The following ATP6V0D1 variants were observed in gnomAD, a reference collection of about 807,000 sequenced individuals.
ATP6V0D1 encodes V-type proton ATPase subunit d 1.
Under a neutral mutation model 39.0 loss-of-function variants are expected in ATP6V0D1, and 13 were observed. The observed-to-expected ratio is 0.33, with a 90% confidence interval of 0.22 to 0.53. The LOEUF is 0.53. Among genes scored for constraint, ATP6V0D1 ranks in the 20% least tolerant of loss-of-function variants. The pLI is 0.94. For missense variants in ATP6V0D1, 272 were observed against 470.9 expected (o/e 0.58, Z 3.91); for synonymous variants, 191 against 191.2 (o/e 1.00, Z 0.01).
intron 1 of ATP6V0D1, among the ~76,000 whole-genome samples, chr16:67,475,466 A>T (rs1478449674): frequency 6.6e-6 from 1 of 152,226 alleles, no homozygotes; most frequent in Non-Finnish European, 1.5e-5. Context: ...CCAGCACATC[A>T]AACATGGGCC....
intron 1 of ATP6V0D1, among the ~76,000 whole-genome samples, chr16:67,469,916 A>G (rs1284765998): frequency 6.6e-6 from 1 of 152,212 alleles, no homozygotes; most frequent in Non-Finnish European, 1.5e-5. Context: ...CTATGCTTCC[A>G]AAAACATGCA....
At chr16:67,468,394 C>A (rs556189459) in intron 1 of ATP6V0D1, among the ~76,000 whole-genome samples, 18 of 152,136 alleles carry the variant, frequency 1.2e-4, no homozygotes, top group Non-Finnish European at 1.8e-4. Flanking sequence ...TCAAGACCAG[C>A]CTGGGAAACA....
chr16:67,478,109 T>G (rs1035365609), intron 1 of ATP6V0D1, among the ~76,000 whole-genome samples: 1 of 152,206 alleles, frequency 6.6e-6, no homozygotes, highest in Non-Finnish European at 1.5e-5. Context: ...TGTTGTAGCT[T>G]GTTGACATTT....
At chr16:67,451,662 T>C (rs1485028020) in intron 2 of ATP6V0D1, among the ~76,000 whole-genome samples, 1 of 152,224 alleles carries the variant, frequency 6.6e-6, no homozygotes, top group Non-Finnish European at 1.5e-5. Flanking sequence ...GCTGAGCTCC[T>C]TCTGAGTGAG....
chr16:67,444,456 T>G lies in ATP6V0D1; in HGVS notation c.481+72A>C. The stretch of plus-strand genomic sequence containing the variant: ...TGGCTCAGGGTCGCCCCCCAGCGGG[T>G]CCACAAACCCCACCCTGATGCGCTG... On this transcript the variant is annotated intron_variant, in intron 3 of 7. Coordinates refer to ENST00000290949, the MANE Select transcript of ATP6V0D1 (RefSeq NM_004691.5). This position sits in a 1 kb window ranked among gnomAD's most constrained non-coding sequence, Gnocchi z 4.8. 1 of 1,484,388 alleles carries G rather than the reference T, an allele frequency of 6.7e-7. No homozygotes were observed. Among genetic ancestry groups the G allele is most frequent in the Non-Finnish European group, 9.0e-7 (1 of 1,106,406 alleles). The allele number at this position is 1,484,388 out of a possible 1,614,324, so 92.0% of individuals were successfully genotyped here. A position where few individuals can be genotyped will look rare whatever the true frequency, so the allele number is the denominator to read the frequency against.
intron 3 of ATP6V0D1, among the ~76,000 whole-genome samples, chr16:67,443,689 G>C (rs2041081338): frequency 6.6e-6 from 1 of 152,216 alleles, no homozygotes; most frequent in South Asian, 2.1e-4. Flanking sequence ...GAGCAGGATA[G>C]AGCACCCCCA....
At chr16:67,458,768 C>T (rs747431017) in intron 1 of ATP6V0D1, among the ~76,000 whole-genome samples, 1 of 152,192 alleles carries the variant, frequency 6.6e-6, no homozygotes, top group African/African-American at 2.4e-5. Flanking sequence ...CCAACTTGGT[C>T]TCCCGGTATC....
intron 1 of ATP6V0D1, among the ~76,000 whole-genome samples, chr16:67,471,797 ATAT>A (rs1207555298): frequency 2.0e-5 from 3 of 149,968 alleles, no homozygotes; most frequent in Non-Finnish European, 3.0e-5. Context: ...TCAGCCTCCC[ATAT>A]TATTATTTTT....
chr16:67,479,399 G>C (rs960661798), intron 1 of ATP6V0D1, among the ~76,000 whole-genome samples: 7 of 151,900 alleles, frequency 4.6e-5, no homozygotes, highest in African/African-American at 1.7e-4. Context: ...ATCTTGAGTA[G>C]AGACAGGGTT....
At chr16:67,449,035 G>A (rs1279802480) in intron 2 of ATP6V0D1, among the ~76,000 whole-genome samples, 1 of 152,254 alleles carries the variant, frequency 6.6e-6, no homozygotes, top group Non-Finnish European at 1.5e-5. Context: ...CCCAAGGTTG[G>A]GGTGACAGGT....
chr16:67,459,759 C>T (rs1379715047), intron 1 of ATP6V0D1, among the ~76,000 whole-genome samples: 1 of 152,272 alleles, frequency 6.6e-6, no homozygotes, highest in Non-Finnish European at 1.5e-5. Flanking sequence ...GCCCCCAGGC[C>T]TCTGCAGTTC....
rs112633382 is a variant in ATP6V0D1 at position 67,452,154 on chromosome 16, G to A, written c.302+1390C>T. 2.3e-4 allele frequency: 333 copies of A among 1,475,694 alleles called. 1 individual carries two copies. Among genetic ancestry groups the A allele is most frequent in the Middle Eastern group, 1.7e-3 (7 of 4,126 alleles). The allele number at this position is 1,475,694 out of a possible 1,614,324, so 91.4% of individuals were successfully genotyped here. A position where few individuals can be genotyped will look rare whatever the true frequency, so the allele number is the denominator to read the frequency against. ...GGCCAGGGAATGATCAACAGATGGG[G>A]AGCTGCAATGTGACCCCTAATGTAG... On this transcript the variant is annotated intron_variant, in intron 2 of 7. Transcript: ENST00000290949.
intron 1 of ATP6V0D1, among the ~76,000 whole-genome samples, chr16:67,480,524 C>G (rs966171961): frequency 2.6e-5 from 4 of 152,072 alleles, no homozygotes; most frequent in African/African-American, 9.7e-5. Flanking sequence ...CACGATGATC[C>G]CAAAGACCTT....
At chr16:67,446,963 G>C (rs1380973485) in intron 2 of ATP6V0D1, among the ~76,000 whole-genome samples, 1 of 152,086 alleles carries the variant, frequency 6.6e-6, no homozygotes, top group Non-Finnish European at 1.5e-5. Context: ...GGAGCTCCAC[G>C]TCCCCATGGC....
At position 67,453,793 on chromosome 16, in the gene ATP6V0D1, A is replaced by G. The variant is rs951099464; in HGVS notation, c.131-78T>C. 2 of 1,418,464 alleles carry G rather than the reference A, an allele frequency of 1.4e-6. No homozygotes were observed. The highest frequency in any genetic ancestry group is 1.9e-6 in the Non-Finnish European group (2 of 1,027,506). The allele number at this position is 1,418,464 out of a possible 1,614,324, so 87.9% of individuals were successfully genotyped here. ...GTCCCAAGTCCCCATCCCCACCCCA[A>G]CTCAGCCCCAGCTCTCCCCTGCAGT... On this transcript the variant is annotated intron_variant, in intron 1 of 7. Transcript: ENST00000290949. This position sits in a 1 kb window ranked among gnomAD's most constrained non-coding sequence, Gnocchi z 4.1.
intron 1 of ATP6V0D1, among the ~76,000 whole-genome samples, chr16:67,460,527 G>A (rs1157589745): frequency 1.3e-5 from 2 of 152,188 alleles, no homozygotes; most frequent in Non-Finnish European, 2.9e-5. Flanking sequence ...CCTGGGGCCT[G>A]CAGCACAGTA....
Position 67,439,350 on chromosome 16 carries a change from G to A in ATP6V0D1, c.563C>T (p.Ala188Val). Residue 188 changes from alanine (A) to valine (V), a missense_variant and splice_region_variant, in exon 5 of 8, where the codon GCC becomes GTC. Around this residue, in one of 4 missense-constraint regions of ATP6V0D1, gnomAD observed 135 missense variants for 273.8 expected, o/e 0.49. Transcript: ENST00000290949. Reference sequence around the variant, plus strand: ...GAACTTGTAGAAGGACTCCAGGTAGGCCTGTAGAGAGTATGGAGCTTGCTC... The same window carrying A: ...GAACTTGTAGAAGGACTCCAGGTAGACCTGTAGAGAGTATGGAGCTTGCTC... ...IEIIRNTLYK[A>V]YLESFYKFCT... 2 of 1,614,008 alleles carry A rather than the reference G, an allele frequency of 1.2e-6. No individual in the cohort carries two copies. Among genetic ancestry groups the A allele is most frequent in the Non-Finnish European group, 1.7e-6 (2 of 1,179,994 alleles).
At chr16:67,441,908 G>T (rs1360791522) in intron 4 of ATP6V0D1, among the ~76,000 whole-genome samples, 1 of 152,210 alleles carries the variant, frequency 6.6e-6, no homozygotes, top group African/African-American at 2.4e-5. Context: ...TGCTCTGTTG[G>T]AAACCTCTAC....
At chr16:67,480,414 G>A (rs541046355) in intron 1 of ATP6V0D1, among the ~76,000 whole-genome samples, 2 of 152,174 alleles carry the variant, frequency 1.3e-5, no homozygotes, top group Admixed American at 6.5e-5. Flanking sequence ...TTGCCTTCAG[G>A]AGATACTGCC....
Sources: allele counts gnomAD v4.1 joint callset (sites outside exome capture counted in the v4.1 genomes callset), GRCh38; gene constraint gnomAD v4.1.1; regional missense constraint gnomAD v4.1.1; non-coding constraint Gnocchi (gnomAD v3.1); transcripts MANE v1.5; gene names NCBI Gene and HGNC (gene_info 2026-07-23, HGNC 2026-07-21).